CA10: variants seen among roughly 807,000 people sequenced by gnomAD.
The protein encoded by CA10 is carbonic anhydrase-related protein 10.
In CA10, 14 loss-of-function variants were observed where a neutral mutation model predicts 44.2. That is an observed-to-expected ratio of 0.32 (90% CI 0.21 to 0.50). The LOEUF (loss-of-function observed/expected upper bound fraction) is 0.50, where lower values mean the gene tolerates loss of function less well. Among genes scored for constraint, CA10 ranks in the 20% least tolerant of loss-of-function variants. The pLI is 0.99. For missense variants in CA10, 350 were observed against 409.7 expected, an observed-to-expected ratio of 0.85 and a Z score of 1.26; for synonymous variants, 159 against 141.6, an observed-to-expected ratio of 1.12 and a Z score of -0.87.
chr17:51,808,361 A>G (rs1907215094), intron 3 of CA10, among the ~76,000 whole-genome samples: 1 of 152,026 alleles, frequency 6.6e-6, no homozygotes, highest in African/African-American at 2.4e-5. Flanking sequence ...CTGACTTTTC[A>G]ACCTATACCA....
In CA10 at chr17:51,931,030, G is replaced by C. The variant is rs1042246688; in HGVS notation, c.239C>G (p.Pro80Arg). 1.9e-6 allele frequency: 3 copies of C among 1,613,502 alleles called. No homozygotes were observed. In the African/African-American group the frequency reaches 4.0e-5, roughly 22 times the overall value. The change falls in exon 3 of 9, where the codon CCC becomes CGC. Residue 80 changes from proline to arginine, a missense_variant. Pro to Arg is a moderately radical substitution (Grantham distance 103). Transcript: ENST00000451037. ...GTTGATGCGAAGAGGTGTCAGAAAG[G>C]GGTCGAAGATCATGTGACTGGTCTC... ...NIETSHMIFD[P>R]FLTPLRINTG...
intron 2 of CA10, among the ~76,000 whole-genome samples, chr17:52,011,709 G>A (rs1166306770): frequency 1.3e-5 from 2 of 151,992 alleles, no homozygotes; most frequent in South Asian, 2.1e-4. Flanking sequence ...TGTATGATAA[G>A]TGATATGACC....
intron 2 of CA10, among the ~76,000 whole-genome samples, chr17:52,062,737 A>G (rs2098139): frequency 0.99 from 151,087 of 152,306 alleles, 74,951 homozygotes; most frequent in Non-Finnish European, 1. Flanking sequence ...ATGCAAGAGC[A>G]GTGGAAGCTG....
intron 2 of CA10, among the ~76,000 whole-genome samples, chr17:51,971,315 T>C (rs750004195): frequency 4.6e-5 from 7 of 152,008 alleles, no homozygotes; most frequent in Non-Finnish European, 7.4e-5. Context: ...AGCAGAAAAA[T>C]CATATGGAAC....
intron 4 of CA10, among the ~76,000 whole-genome samples, chr17:51,742,852 C>G (rs1904517268): frequency 6.6e-6 from 1 of 152,196 alleles, no homozygotes; most frequent in Non-Finnish European, 1.5e-5. Context: ...TCAGAGGGAG[C>G]AGCAAGTGGG....
intron 7 of CA10, among the ~76,000 whole-genome samples, chr17:51,635,548 G>C (rs1482930591): frequency 2.0e-5 from 3 of 152,066 alleles, no homozygotes; most frequent in Non-Finnish European, 4.4e-5. Context: ...GGTAGAGCTT[G>C]GGGTGGTGCT....
At chr17:51,758,098 T>C (rs78098703) in intron 3 of CA10, among the ~76,000 whole-genome samples, 26,292 of 152,052 alleles carry the variant, frequency 0.17, 2,539 homozygotes, top group East Asian at 0.29. Context: ...TTTTTTTCCC[T>C]TAGTAATGCT....
chr17:52,078,905 G>A (rs1202125889), intron 1 of CA10, among the ~76,000 whole-genome samples: 1 of 152,264 alleles, frequency 6.6e-6, no homozygotes, highest in Non-Finnish European at 1.5e-5. Context: ...CTAACATTTA[G>A]ATAGTGCCCC....
chr17:51,856,894 G>T (rs1979070882), intron 3 of CA10, among the ~76,000 whole-genome samples: 2 of 152,154 alleles, frequency 1.3e-5, no homozygotes, highest in South Asian at 4.1e-4. Context: ...TATTCTAAAT[G>T]ACTGACATAA....
intron 2 of CA10, among the ~76,000 whole-genome samples, chr17:51,978,647 A>G (rs1984545354): frequency 1.3e-5 from 2 of 152,160 alleles, no homozygotes; most frequent in Admixed American, 1.3e-4. Flanking sequence ...GAGGCAGAAC[A>G]CAATAGGCAT....
intron 4 of CA10, among the ~76,000 whole-genome samples, chr17:51,665,835 TG>T (rs1914186447): frequency 6.6e-6 from 1 of 152,362 alleles, no homozygotes; most frequent in Admixed American, 6.5e-5. Flanking sequence ...TTAGGTGGTA[TG>T]TGACTGTATG....
chr17:51,892,454 T>C (rs982062082), intron 3 of CA10, among the ~76,000 whole-genome samples: 22 of 152,306 alleles, frequency 1.4e-4, no homozygotes, highest in African/African-American at 5.3e-4. Flanking sequence ...CAGAGAAAGG[T>C]AGAGATAAGT....
intron 4 of CA10, among the ~76,000 whole-genome samples, chr17:51,728,809 C>T (rs910384128): frequency 1.4e-4 from 21 of 152,192 alleles, no homozygotes; most frequent in African/African-American, 5.1e-4. Context: ...ATTAGCAGAG[C>T]TTGCTTTTAA....
chr17:51,887,025 G>GTT (rs1474966745), intron 3 of CA10, among the ~76,000 whole-genome samples: 1 of 152,028 alleles, frequency 6.6e-6, no homozygotes, highest in African/African-American at 2.4e-5. Context: ...GTCTTTCCAG[G>GTT]TTCTCCAGCT....
At chr17:51,700,325 A>G (rs1156622175) in intron 4 of CA10, among the ~76,000 whole-genome samples, 2 of 152,114 alleles carry the variant, frequency 1.3e-5, no homozygotes, top group African/African-American at 4.8e-5. Context: ...TGCACTGCTC[A>G]CAGACCCTCC....
intron 3 of CA10, among the ~76,000 whole-genome samples, chr17:51,843,876 A>ATG (rs1294235106): frequency 4.6e-5 from 7 of 152,192 alleles, no homozygotes; most frequent in Admixed American, 2.6e-4. Flanking sequence ...TCACAATAGC[A>ATG]TGAAAATAGT....
intron 3 of CA10, among the ~76,000 whole-genome samples, chr17:51,858,502 C>G (rs1370807063): frequency 1.3e-5 from 2 of 152,128 alleles, no homozygotes; most frequent in African/African-American, 4.8e-5. Flanking sequence ...AAATGTTAGT[C>G]ATTTCATTAT....
At chr17:52,157,618 G>T in intron 1 of CA10, 108 bp downstream of exon 1, 1 of 979,868 alleles carries the variant, frequency 1.0e-6, no homozygotes, top group Non-Finnish European at 1.6e-6. Flanking sequence ...AACTCAAAGG[G>T]TCTCGCCACC....
chr17:51,653,518 C>T (rs941766278), intron 5 of CA10, 123 bp downstream of exon 5: 1 of 664,892 alleles, frequency 1.5e-6, no homozygotes, highest in Non-Finnish European at 2.7e-6. Flanking sequence ...AGGCACCATC[C>T]CATAGTTTTC....
Sources: allele counts gnomAD v4.1 joint callset (sites outside exome capture counted in the v4.1 genomes callset), GRCh38; gene constraint gnomAD v4.1.1; transcripts MANE v1.5; gene names NCBI Gene and HGNC (gene_info 2026-07-23, HGNC 2026-07-21).